Variants in MICALL2 observed in about 807,000 individuals in gnomAD.
MICALL2 encodes MICAL-like protein 2.
A neutral mutation model predicts 91.1 loss-of-function variants in MICALL2; 111 were observed. The ratio of observed to expected loss-of-function variants is 1.22; its 90% CI spans 1.04 to 1.43. The LOEUF is 1.43. MICALL2 is among the 40% of genes most tolerant of loss of function. MICALL2 has a pLI of 0.00. For synonymous variants in MICALL2, 694 were observed against 525.3 expected (o/e 1.32, Z -4.39); for missense variants, 1,556 against 1,236.0 (o/e 1.26, Z -3.88).
rs1427058846 is a variant in MICALL2 at position 1,447,665 on chromosome 7, G to T, written c.435C>A (p.Ala145=). Residue 145 remains alanine, a synonymous_variant, in exon 4 of 17, where the codon GCC becomes GCA. Transcript: ENST00000297508. ...PVQAAKLPSP[A]PARKPPLSPA... Reference sequence around the variant, plus strand: ...GAGATAGTGGAGGCTTCCGGGCTGGGGCGGGCGAGGGCAGCTTGGCCGCCT... The same window carrying T: ...GAGATAGTGGAGGCTTCCGGGCTGGTGCGGGCGAGGGCAGCTTGGCCGCCT... 5 of 1,587,412 alleles carry T rather than the reference G, an allele frequency of 3.1e-6. No homozygotes were observed. In the African/African-American group the frequency reaches 6.7e-5, roughly 21 times the overall value.
rs779974912 is a variant in MICALL2 at position 1,434,561 on chromosome 7, C to A, written c.*35G>T. On this transcript the variant is annotated 3_prime_UTR_variant, in exon 17 of 17. Coordinates refer to ENST00000297508, the MANE Select transcript of MICALL2 (RefSeq NM_182924.4). ...ATGGCCCCGAGTCCAAGTCCGGATG[C>A]CAGGTCCGGGCCGAGCCCACGGCCC... 1 of 1,574,910 alleles carries A rather than the reference C, an allele frequency of 6.3e-7. No homozygotes were observed. The highest frequency in any genetic ancestry group is 1.1e-5 in the South Asian group (1 of 90,152).
intron 7 of MICALL2, chr7:1,441,087 A>C: frequency 9.8e-6 from 2 of 204,668 alleles, no homozygotes; most frequent in African/African-American, 2.3e-5. Flanking sequence ...AACAATGAGA[A>C]CTCAGCCAAA....
intron 8 of MICALL2, 80 bp from the exon 9 acceptor site, chr7:1,440,165 G>A (rs780920605): frequency 1.2e-4 from 184 of 1,514,294 alleles, no homozygotes; most frequent in Non-Finnish European, 1.5e-4. Flanking sequence ...CAGGCCATAT[G>A]CAGACCAGCC....
rs143607097 is a variant in MICALL2 at position 1,447,748 on chromosome 7, C to T, written c.352G>A (p.Val118Met). The change falls in exon 4 of 17, where the codon GTG becomes ATG. Residue 118 changes from valine (V) to methionine (M), a missense_variant. Val to Met is a conservative substitution (Grantham distance 21). Coordinates refer to ENST00000297508, the MANE Select transcript of MICALL2 (RefSeq NM_182924.4). ...GRSPIGGMAG[V>M]KRASEDSEEE... is the part of the protein sequence containing the mutation. Reference sequence around the variant, plus strand: ...TCAGAGTCCTCCGAGGCCCTCTTCACGCCTGCCATGCCCCCAACTGGAGGA... The same window carrying T: ...TCAGAGTCCTCCGAGGCCCTCTTCATGCCTGCCATGCCCCCAACTGGAGGA... 12 of 1,545,392 alleles carry T rather than the reference C, an allele frequency of 7.8e-6. No individual in the cohort carries two copies. Among genetic ancestry groups the T allele is most frequent in the African/African-American group, 2.7e-5 (2 of 73,106 alleles).
Position 1,438,345 on chromosome 7 carries a change from AG to A in MICALL2, c.2130del (p.Leu711CysfsTer14). ...AGAGCAGGGACATTGGCCGGGGACA[AG>A]GGTCTCCCTGGAGAAGGAGCAGGGT... ...KPHLQGKPGR[P>X]LSPANVPALP... is the part of the protein sequence containing the mutation. On this transcript the variant is annotated frameshift_variant, in exon 11 of 17. Transcript: ENST00000297508. LOFTEE classifies it high-confidence loss of function. 1.2e-6 allele frequency: 2 copies of A among 1,602,732 alleles called. No individual in the cohort carries two copies. Among genetic ancestry groups the A allele is most frequent in the Non-Finnish European group, 8.5e-7 (1 of 1,176,078 alleles).
Position 1,442,323 on chromosome 7 carries a change from T to C in MICALL2, c.1580A>G (p.Gln527Arg). 1.9e-6 allele frequency: 3 copies of C among 1,613,170 alleles called. No individual in the cohort carries two copies. Among genetic ancestry groups the C allele is most frequent in the Non-Finnish European group, 2.5e-6 (3 of 1,179,878 alleles). Reference sequence around the variant, plus strand: ...GCCTGCCGGGGGCAACGCGGATGCCTGAGAGGTACTGCTCGTGCTCAGCGG... The same window carrying C: ...GCCTGCCGGGGGCAACGCGGATGCCCGAGAGGTACTGCTCGTGCTCAGCGG... ...PAPLSTSSTS[Q>R]ASALPPAGRR... The change falls in exon 7 of 17, where the codon CAG (glutamine) becomes CGG (arginine). Residue 527 changes from glutamine to arginine, a missense_variant. Physicochemically the swap from Gln to Arg is conservative, Grantham distance 43. Coordinates refer to ENST00000297508, the MANE Select transcript of MICALL2 (RefSeq NM_182924.4).
intron 1 of MICALL2, among the ~76,000 whole-genome samples, chr7:1,453,447 G>GC (rs1214786868): frequency 6.6e-6 from 1 of 152,118 alleles, no homozygotes; most frequent in Non-Finnish European, 1.5e-5. Context: ...GGAGGGCCCA[G>GC]CCCTGCTCAC....
At chr7:1,448,857 G>A in intron 2 of MICALL2, 96 bp from the exon 3 acceptor site, 1 of 1,462,812 alleles carries the variant, frequency 6.8e-7, no homozygotes. Flanking sequence ...CAGTCTTGGA[G>A]CCCAAAGAGG....
Position 1,442,465 on chromosome 7 carries a change from C to T in MICALL2, c.1438G>A (p.Ala480Thr), listed in dbSNP as rs12540098. The change falls in exon 7 of 17, where the codon GCT (alanine) becomes ACT (threonine). Residue 480 changes from alanine (A) to threonine (T), a missense_variant. Transcript: ENST00000297508. ...APGRPSPATA[A>T]VPSSQPKTEA... ...GTTTTGGGCTGAGAACTGGGAACAG[C>T]GGCAGTGGCTGGGGAGGGCCTATAA... The T allele has an allele frequency of 3.4e-5, 52 of 1,536,188 alleles. No individual in the cohort carries two copies. Among genetic ancestry groups the T allele is most frequent in the Admixed American group, 2.2e-4 (11 of 50,288 alleles).
intron 1 of MICALL2, among the ~76,000 whole-genome samples, chr7:1,458,354 G>A (rs55722020): frequency 5.0e-4 from 76 of 152,294 alleles, no homozygotes; most frequent in Non-Finnish European, 9.8e-4. Flanking sequence ...TCAGGAGAAC[G>A]CTTTGCCCAG....
chr7:1,439,258 G>C, intron 9 of MICALL2: 1 of 495,430 alleles, frequency 2.0e-6, no homozygotes, highest in Non-Finnish European at 3.6e-6. Context: ...TATGGATCCA[G>C]GGCAGCTATG....
At chr7:1,453,913 GA>G (rs1428523796) in intron 1 of MICALL2, among the ~76,000 whole-genome samples, 1 of 152,166 alleles carries the variant, frequency 6.6e-6, no homozygotes, top group African/African-American at 2.4e-5. Context: ...CTGGCTGAAG[GA>G]ATGAATTTGC....
intron 14 of MICALL2, 23 bp from the exon 15 acceptor site, chr7:1,436,879 G>A: frequency 6.6e-7 from 1 of 1,519,262 alleles, no homozygotes; most frequent in Non-Finnish European, 8.9e-7. Flanking sequence ...CTCGTCAGCA[G>A]GAGCCCCCCC....
In MICALL2 at chr7:1,438,271, C is replaced by A. The variant is rs1387533352; in HGVS notation, c.2187+18G>T. 3 of 1,589,882 alleles carry A rather than the reference C, an allele frequency of 1.9e-6. No homozygotes were observed. Among genetic ancestry groups the A allele is most frequent in the Non-Finnish European group, 2.6e-6 (3 of 1,168,526 alleles). On this transcript the variant is annotated intron_variant, in intron 11 of 16. Transcript: ENST00000297508. Reference sequence around the variant, plus strand: ...GCCGGAGGGCTGGGCCCCTGCCCGGCTCCCCACCACTACTCACCCTGACTG... The same window carrying A: ...GCCGGAGGGCTGGGCCCCTGCCCGGATCCCCACCACTACTCACCCTGACTG...
chr7:1,445,657 C>A (rs1780540415), intron 5 of MICALL2, among the ~76,000 whole-genome samples: 1 of 152,232 alleles, frequency 6.6e-6, no homozygotes, highest in Non-Finnish European at 1.5e-5. Flanking sequence ...TTCTCAGGGT[C>A]CTTAACCACT....
rs909397605 is a variant in MICALL2 at position 1,444,606 on chromosome 7, G to C, written c.1418+46C>G. 2.5e-6 allele frequency: 4 copies of C among 1,569,568 alleles called. No homozygotes were observed. In the South Asian group the frequency reaches 3.4e-5, roughly 13 times the overall value. The stretch of plus-strand genomic sequence containing the variant: ...CTGGCCTCCGGGGCCCCGCTGGCTG[G>C]TGCAAAGAGGCCATACCCGGGGTCC... On this transcript the variant is annotated intron_variant, in intron 6 of 16. Coordinates refer to ENST00000297508, the MANE Select transcript of MICALL2 (RefSeq NM_182924.4).
At chr7:1,450,399 G>C (rs562183819) in intron 1 of MICALL2, 111 bp from the exon 2 acceptor site, 1 of 875,660 alleles carries the variant, frequency 1.1e-6, no homozygotes, top group Admixed American at 1.8e-5. Context: ...CAGGATGGGG[G>C]GCTGTGAAGG....
chr7:1,447,393 C>G (rs1780646834), intron 4 of MICALL2, among the ~76,000 whole-genome samples, 182 bp downstream of exon 4: 1 of 152,166 alleles, frequency 6.6e-6, no homozygotes, highest in Non-Finnish European at 1.5e-5. Flanking sequence ...CAACCCCTGG[C>G]TTGATGGAGC....
In MICALL2 at chr7:1,452,127, C is replaced by T. The variant is rs560344462; in HGVS notation, c.144-1839G>A. On this transcript the variant is annotated intron_variant, in intron 1 of 16. Coordinates refer to ENST00000297508, the MANE Select transcript of MICALL2 (RefSeq NM_182924.4). This position sits in a 1 kb window ranked among gnomAD's most constrained non-coding sequence, Gnocchi z 6.2. ...CCAGCTTGGACCCCCTCCCAGGTAA[C>T]AGGTTTCAGACGGCAGGACCACCCG... 3.9e-5 allele frequency among the ~76,000 whole-genome samples: 6 copies of T among 152,292 alleles called. No individual in the cohort carries two copies. In the East Asian group the frequency reaches 1.2e-3, roughly 29 times the overall value.
Sources: allele counts gnomAD v4.1 joint callset (sites outside exome capture counted in the v4.1 genomes callset), GRCh38; gene constraint gnomAD v4.1.1; non-coding constraint Gnocchi (gnomAD v3.1); transcripts MANE v1.5; gene names NCBI Gene and HGNC (gene_info 2026-07-23, HGNC 2026-07-21).